The following MAPKBP1 variants were observed in gnomAD, a reference collection of about 807,000 sequenced individuals.
MAPKBP1 encodes mitogen-activated protein kinase-binding protein 1.
Under a neutral mutation model 170.5 loss-of-function variants are expected in MAPKBP1, and 71 were observed. The ratio of observed to expected loss-of-function variants is 0.42; its 90% CI spans 0.34 to 0.51. The LOEUF is 0.51. MAPKBP1 is among the 20% of genes least tolerant of loss of function. MAPKBP1 has a pLI of 0.06. For missense variants in MAPKBP1, 1,598 were observed against 1,933.0 expected (o/e 0.83, Z 3.25); for synonymous variants, 719 against 757.9 (o/e 0.95, Z 0.84).
At chr15:41,778,803 T>C (rs1467765012) in intron 2 of MAPKBP1, among the ~76,000 whole-genome samples, 1 of 152,164 alleles carries the variant, frequency 6.6e-6, no homozygotes, top group African/African-American at 2.4e-5. Flanking sequence ...GGACAAAGGA[T>C]AGAAATGGAC....
At chr15:41,822,784 G>A in intron 27 of MAPKBP1, 107 bp downstream of exon 27, 1 of 1,482,332 alleles carries the variant, frequency 6.7e-7, no homozygotes, top group South Asian at 1.2e-5. Context: ...GGGGTGTTTT[G>A]CACTCCCAGT....
intron 2 of MAPKBP1, among the ~76,000 whole-genome samples, chr15:41,786,389 A>T (rs1341524504): frequency 6.6e-6 from 1 of 152,168 alleles, no homozygotes; most frequent in Non-Finnish European, 1.5e-5. Flanking sequence ...TGTGTATTTC[A>T]TATGTAAATC....
chr15:41,825,094 C>T lies in MAPKBP1; in HGVS notation c.4300-115C>T, dbSNP rs189655819. ...CCCTGGCCATACATGCTGATCTTGG[C>T]GGGTAGAGTTCCCAGCTAGTCCCTT... is the stretch of plus-strand genomic sequence containing the variant. On this transcript the variant is annotated intron_variant, in intron 30 of 30. Coordinates refer to ENST00000457542, the MANE Select transcript of MAPKBP1 (RefSeq NM_014994.3). The T allele has an allele frequency of 6.2e-5, 45 of 721,098 alleles. No individual in the cohort carries two copies. In the Middle Eastern group the frequency reaches 1.8e-3, roughly 29 times the overall value. The allele number at this position is 721,098 out of a possible 1,614,324, so 44.7% of individuals were successfully genotyped here. A position where few individuals can be genotyped will look rare whatever the true frequency, so the allele number is the denominator to read the frequency against.
rs564789743 is a variant in MAPKBP1, at chr15:41,825,260, C to T, written c.4351C>T (p.Leu1451Phe). The change falls in exon 31 of 31, where the codon CTC (leucine) becomes TTC (phenylalanine). Residue 1451 changes from leucine to phenylalanine, a missense_variant. Around this residue, in one of 6 missense-constraint regions of MAPKBP1, gnomAD observed 942 missense variants for 953.2 expected, o/e 0.99. Coordinates refer to ENST00000457542, the MANE Select transcript of MAPKBP1 (RefSeq NM_014994.3). Reference sequence around the variant, plus strand: ...AGAGCAAAGTCGGATTGCCCAGCTCCTCAGAGACACCTTCTCTTCAGTGCG... The same window carrying T: ...AGAGCAAAGTCGGATTGCCCAGCTCTTCAGAGACACCTTCTCTTCAGTGCG... Reference protein sequence around the residue: ...SAEQSRIAQLLRDTFSSVRQE... With the variant: ...SAEQSRIAQLFRDTFSSVRQE... 2 of 1,607,556 alleles carry T rather than the reference C, an allele frequency of 1.2e-6. No individual in the cohort carries two copies. Among genetic ancestry groups the T allele is most frequent in the South Asian group, 2.2e-5 (2 of 90,918 alleles).
At chr15:41,774,915 C>A (rs2064071009) in intron 1 of MAPKBP1, 1 of 452,944 alleles carries the variant, frequency 2.2e-6, no homozygotes, top group East Asian at 3.4e-5. Flanking sequence ...GTCCACGAGA[C>A]CAACTGGGGC....
At position 41,797,217 on chromosome 15, in the gene MAPKBP1, G is replaced by A. The variant is rs547415551; in HGVS notation, c.115-2606G>A. Among the ~76,000 whole-genome samples the A allele has an allele frequency of 2.6e-5, 4 of 152,280 alleles. No homozygotes were observed. In the East Asian group the frequency reaches 5.8e-4, roughly 22 times the overall value. ...AAAGAAGATCAGCTGAGAACCAACT[G>A]ACTTGGTGTAATTCTTCGGCACCAA... is the stretch of plus-strand genomic sequence containing the variant. On this transcript the variant is annotated intron_variant, in intron 2 of 30. Coordinates refer to ENST00000457542, the MANE Select transcript of MAPKBP1 (RefSeq NM_014994.3).
At chr15:41,814,459 G>A in intron 9 of MAPKBP1, 91 bp from the exon 10 acceptor site, 1 of 1,277,410 alleles carries the variant, frequency 7.8e-7, no homozygotes, top group Non-Finnish European at 1.1e-6. Context: ...GGTCCAGGGA[G>A]GGCTCCTCAC....
chr15:41,801,081 C>T (rs1250407519), intron 3 of MAPKBP1, among the ~76,000 whole-genome samples: 2 of 152,218 alleles, frequency 1.3e-5, no homozygotes, highest in African/African-American at 2.4e-5. Context: ...TGTATCGCTA[C>T]CTTATTCCTT....
In MAPKBP1 at chr15:41,777,520, G is replaced by C. The variant is rs184845542; in HGVS notation, c.114+2131G>C. On this transcript the variant is annotated intron_variant, in intron 2 of 30. Transcript: ENST00000457542. Reference sequence around the variant, plus strand: ...GCTTCAGACTGCTTTAGATGGCTTTGTCTGTCCTGAAGCTGTGTATGAAAG... The same window carrying C: ...GCTTCAGACTGCTTTAGATGGCTTTCTCTGTCCTGAAGCTGTGTATGAAAG... 8.9e-3 allele frequency among the ~76,000 whole-genome samples: 1,355 copies of C among 152,276 alleles called. 15 individuals carry two copies. The highest frequency in any genetic ancestry group is 0.012 in the Non-Finnish European group (808 of 68,022).
At chr15:41,794,147 G>T (rs1366828943) in intron 2 of MAPKBP1, among the ~76,000 whole-genome samples, 1 of 152,112 alleles carries the variant, frequency 6.6e-6, no homozygotes, top group Non-Finnish European at 1.5e-5. Flanking sequence ...CAGCAGAATC[G>T]CTTGAACCCT....
At chr15:41,807,538 A>C (rs2064720801) in intron 3 of MAPKBP1, among the ~76,000 whole-genome samples, 1 of 152,190 alleles carries the variant, frequency 6.6e-6, no homozygotes, top group South Asian at 2.1e-4. Flanking sequence ...TGTGTAACTA[A>C]TCAGAAGGCT....
intron 3 of MAPKBP1, among the ~76,000 whole-genome samples, chr15:41,808,925 G>A (rs2064753836): frequency 6.6e-6 from 1 of 151,894 alleles, no homozygotes; most frequent in African/African-American, 2.4e-5. Flanking sequence ...AATTAACTGG[G>A]TATGGTGGCA....
chr15:41,780,509 C>G (rs2064167750), intron 2 of MAPKBP1, among the ~76,000 whole-genome samples: 1 of 152,210 alleles, frequency 6.6e-6, no homozygotes, highest in African/African-American at 2.4e-5. Flanking sequence ...ACTTCATGTT[C>G]AGACTGCAGT....
At position 41,817,951 on chromosome 15, in the gene MAPKBP1, C is replaced by T; in HGVS notation, c.1905-58C>T. On this transcript the variant is annotated intron_variant, in intron 16 of 30. Coordinates refer to ENST00000457542, the MANE Select transcript of MAPKBP1 (RefSeq NM_014994.3). The surrounding 1 kb of genome is among the most constrained non-coding windows in gnomAD (Gnocchi z 4.2). ...GGAGTGAAAGCTGGCATTTCCATCC[C>T]CCAGGCGTGTTCCACCTTCACCGCC... The T allele has an allele frequency of 6.4e-7, 1 of 1,572,176 alleles. No individual in the cohort carries two copies. Among genetic ancestry groups the T allele is most frequent in the South Asian group, 1.1e-5 (1 of 89,964 alleles).
At chr15:41,782,320 A>G (rs796212409) in intron 2 of MAPKBP1, among the ~76,000 whole-genome samples, 6 of 152,090 alleles carry the variant, frequency 3.9e-5, no homozygotes, top group African/African-American at 1.4e-4. Context: ...CAAATATAAT[A>G]TTGTATTATA....
chr15:41,785,431 A>G (rs530658252), intron 2 of MAPKBP1, among the ~76,000 whole-genome samples: 1 of 152,270 alleles, frequency 6.6e-6, no homozygotes, highest in South Asian at 2.1e-4. Flanking sequence ...TTAAAATGTC[A>G]AACCAGTGAA....
In MAPKBP1 at chr15:41,814,533, C is replaced by T; in HGVS notation, c.981-17C>T. 1 of 1,612,580 alleles carries T rather than the reference C, an allele frequency of 6.2e-7. No individual in the cohort carries two copies. ...TTCCCTTCAGTCTGACCAGTGTGCCCTGTCCTCTCCCTACAGTCGCCTCTT... is the reference window on the plus strand; with the variant it reads ...TTCCCTTCAGTCTGACCAGTGTGCCTTGTCCTCTCCCTACAGTCGCCTCTT... On this transcript the variant is annotated splice_polypyrimidine_tract_variant and intron_variant, in intron 9 of 30. Transcript: ENST00000457542.
chr15:41,816,835 C>T (rs755753411), intron 13 of MAPKBP1, 75 bp from the exon 14 acceptor site: 1 of 1,547,910 alleles, frequency 6.5e-7, no homozygotes, highest in Non-Finnish European at 8.7e-7. Flanking sequence ...GCTCAGTTCC[C>T]TTGGGGCTCT....
chr15:41,795,755 C>T lies in MAPKBP1; in HGVS notation c.115-4068C>T, dbSNP rs950333887. 1.2e-4 allele frequency among the ~76,000 whole-genome samples: 18 copies of T among 152,182 alleles called. No homozygotes were observed. The South Asian group carries it at 1.2e-3, about 11-fold the overall frequency. On this transcript the variant is annotated intron_variant, in intron 2 of 30. Transcript: ENST00000457542. ...CCCAGCAGCTGGGACTACAGGTGCACGGCGTCACGCCCGGCTAATTTTTTT... is the reference window on the plus strand; with the variant it reads ...CCCAGCAGCTGGGACTACAGGTGCATGGCGTCACGCCCGGCTAATTTTTTT...
Sources: allele counts gnomAD v4.1 joint callset (sites outside exome capture counted in the v4.1 genomes callset), GRCh38; gene constraint gnomAD v4.1.1; regional missense constraint gnomAD v4.1.1; non-coding constraint Gnocchi (gnomAD v3.1); transcripts MANE v1.5; gene names NCBI Gene and HGNC (gene_info 2026-07-23, HGNC 2026-07-21).